The following CTNNAL1 variants were observed in gnomAD, a reference collection of about 807,000 sequenced individuals.
CTNNAL1 encodes alpha-catulin.
In CTNNAL1, 69 loss-of-function variants were observed where a neutral mutation model predicts 93.6. The observed-to-expected ratio is 0.74, with a 90% CI of 0.61 to 0.90. The LOEUF is 0.90. Ranked by LOEUF, CTNNAL1 falls within the 40% of genes least tolerant of loss-of-function variation. CTNNAL1 has a pLI of 0.00. For missense variants in CTNNAL1, 836 were observed against 862.0 expected, an observed-to-expected ratio of 0.97 and a Z score of 0.38; for synonymous variants, 286 against 305.4, an observed-to-expected ratio of 0.94 and a Z score of 0.66.
At chr9:108,997,410 G>T (rs550615031) in intron 2 of CTNNAL1, among the ~76,000 whole-genome samples, 1 of 152,194 alleles carries the variant, frequency 6.6e-6, no homozygotes, top group South Asian at 2.1e-4. Flanking sequence ...CCATCAGAAA[G>T]ACTTCTATCT....
chr9:108,984,924 G>T (rs1831559569), intron 4 of CTNNAL1, among the ~76,000 whole-genome samples: 1 of 152,210 alleles, frequency 6.6e-6, no homozygotes, highest in Non-Finnish European at 1.5e-5. Flanking sequence ...GGGTTCGTTT[G>T]TCTTAATCTT....
intron 1 of CTNNAL1, among the ~76,000 whole-genome samples, chr9:109,004,629 T>A (rs1387346447): frequency 6.6e-6 from 1 of 151,818 alleles, no homozygotes; most frequent in East Asian, 1.9e-4. Flanking sequence ...CTACTAGAAG[T>A]ACAAAAATTA....
intron 1 of CTNNAL1, among the ~76,000 whole-genome samples, chr9:109,009,279 A>G (rs534304919): frequency 6.9e-6 from 1 of 145,660 alleles, no homozygotes; most frequent in African/African-American, 2.6e-5. Context: ...ATCCTTTCCC[A>G]GCATAAGGTA....
At chr9:108,972,179 C>T (rs1437031106) in intron 9 of CTNNAL1, among the ~76,000 whole-genome samples, 1 of 152,156 alleles carries the variant, frequency 6.6e-6, no homozygotes, top group Non-Finnish European at 1.5e-5. Flanking sequence ...AAGGCTTCCC[C>T]ATTCCACATT....
At chr9:109,011,463 C>T (rs72758397) in intron 1 of CTNNAL1, among the ~76,000 whole-genome samples, 19,544 of 152,262 alleles carry the variant, frequency 0.13, 1,472 homozygotes, top group African/African-American at 0.18. Flanking sequence ...CTCTCCTACC[C>T]TTCTCTGGCT....
chr9:108,984,205 A>G, intron 5 of CTNNAL1, 142 bp downstream of exon 5: 2 of 559,530 alleles, frequency 3.6e-6, no homozygotes, highest in East Asian at 5.8e-5. Context: ...CTTATAAATA[A>G]TAACTGAGAT....
chr9:108,981,792 G>C lies in CTNNAL1; in HGVS notation c.900+1353C>G, dbSNP rs558503055. Among the ~76,000 whole-genome samples, 12 of 152,310 alleles carry C rather than the reference G, an allele frequency of 7.9e-5. No individual in the cohort carries two copies. The South Asian group carries it at 1.2e-3, about 16-fold the overall frequency. On this transcript the variant is annotated intron_variant, in intron 6 of 18. Coordinates refer to ENST00000325551, the MANE Select transcript of CTNNAL1 (RefSeq NM_003798.4). ...GTACAAAAATTAGCCGGCTGTGGTG[G>C]TGGGTGCCTGTAATCCAAGCTACTC...
intron 2 of CTNNAL1, among the ~76,000 whole-genome samples, chr9:108,996,967 T>G (rs1216015688): frequency 2.0e-5 from 3 of 152,216 alleles, no homozygotes; most frequent in Non-Finnish European, 4.4e-5. Flanking sequence ...AAAGATAAAT[T>G]TCATGCTTAA....
intron 15 of CTNNAL1, among the ~76,000 whole-genome samples, chr9:108,947,092 G>T (rs1352742519): frequency 6.6e-6 from 1 of 150,660 alleles, no homozygotes; most frequent in Non-Finnish European, 1.5e-5. Context: ...CTATATGAGT[G>T]ATAAAGTGAT....
chr9:108,970,313 G>T, intron 10 of CTNNAL1, 89 bp downstream of exon 10: 1 of 1,192,452 alleles, frequency 8.4e-7, no homozygotes, highest in Non-Finnish European at 1.1e-6. Flanking sequence ...CTCTAGTTAT[G>T]AAAAACCATT....
intron 11 of CTNNAL1, among the ~76,000 whole-genome samples, chr9:108,961,229 G>A (rs1365793536): frequency 6.6e-6 from 1 of 152,160 alleles, no homozygotes; most frequent in Non-Finnish European, 1.5e-5. Flanking sequence ...ATACACCTTT[G>A]TATGGAAAGC....
chr9:108,951,178 CTTTTTTTTT>C, intron 14 of CTNNAL1, among the ~76,000 whole-genome samples: 1 of 137,216 alleles, frequency 7.3e-6, no homozygotes, highest in Non-Finnish European at 1.6e-5. Context: ...GCCCGGCTAA[CTTTTTTTTT>C]TTTTTTTTAA....
At chr9:108,996,147 T>G (rs545083132) in intron 2 of CTNNAL1, among the ~76,000 whole-genome samples, 3 of 152,128 alleles carry the variant, frequency 2.0e-5, no homozygotes, top group East Asian at 3.9e-4. Flanking sequence ...TCTTATGTTT[T>G]GTAGAGACAG....
chr9:108,948,344 A>G, intron 14 of CTNNAL1, 110 bp from the exon 15 acceptor site: 1 of 989,614 alleles, frequency 1.0e-6, no homozygotes, highest in South Asian at 1.6e-5. Flanking sequence ...CTAAATTTTG[A>G]AGAATAATAT....
intron 10 of CTNNAL1, among the ~76,000 whole-genome samples, chr9:108,970,168 G>A (rs1272990196): frequency 6.6e-6 from 1 of 152,174 alleles, no homozygotes; most frequent in East Asian, 1.9e-4. Context: ...CTTTAAAATA[G>A]ATATAAACTA....
chr9:108,957,251 A>G (rs1830709992), intron 11 of CTNNAL1, among the ~76,000 whole-genome samples: 1 of 151,406 alleles, frequency 6.6e-6, no homozygotes, highest in Non-Finnish European at 1.5e-5. Context: ...CCTCCTGAGT[A>G]GCTGGGACCA....
chr9:108,949,585 T>C (rs1191249501), intron 14 of CTNNAL1, among the ~76,000 whole-genome samples: 2 of 152,208 alleles, frequency 1.3e-5, no homozygotes, highest in Non-Finnish European at 2.9e-5. Flanking sequence ...GGCTAACGCC[T>C]GTAATCCCAG....
intron 2 of CTNNAL1, among the ~76,000 whole-genome samples, chr9:108,994,099 G>A (rs187717151): frequency 6.6e-6 from 1 of 152,166 alleles, no homozygotes; most frequent in African/African-American, 2.4e-5. Flanking sequence ...AGGTGTGGTG[G>A]CAGGGGCCTG....
intron 1 of CTNNAL1, among the ~76,000 whole-genome samples, chr9:109,004,076 T>C (rs551146196): frequency 4.5e-4 from 68 of 152,182 alleles, no homozygotes; most frequent in Non-Finnish European, 8.8e-4. Flanking sequence ...TTCATCTTTC[T>C]TTCTCTCGGT....
Sources: allele counts gnomAD v4.1 joint callset (sites outside exome capture counted in the v4.1 genomes callset), GRCh38; gene constraint gnomAD v4.1.1; transcripts MANE v1.5; gene names NCBI Gene and HGNC (gene_info 2026-07-23, HGNC 2026-07-21).